The following CARNMT1 variants were observed in gnomAD, a reference collection of about 807,000 sequenced individuals.
The protein encoded by CARNMT1 is protein-L-histidine N-pros-methyltransferase CARNMT1.
A neutral mutation model predicts 49.6 loss-of-function variants in CARNMT1; 28 were observed. That is an observed-to-expected ratio of 0.56 (90% CI 0.42 to 0.77). The LOEUF (loss-of-function observed/expected upper bound fraction) is 0.77, where lower values mean the gene tolerates loss of function less well. CARNMT1 is among the 30% of genes least tolerant of loss of function. CARNMT1 has a pLI of 0.00. For synonymous variants in CARNMT1, 178 were observed against 175.0 expected, an observed-to-expected ratio of 1.02 and a Z score of -0.13; for missense variants, 421 against 512.6, an observed-to-expected ratio of 0.82 and a Z score of 1.73.
chr9:75,018,937 AGCCTGG>A (rs978242193), intron 1 of CARNMT1, among the ~76,000 whole-genome samples: 1 of 150,646 alleles, frequency 6.6e-6, no homozygotes, highest in Non-Finnish European at 1.5e-5. Context: ...ACTGCGTTCC[AGCCTGG>A]GCGACAGAGT....
intron 6 of CARNMT1, among the ~76,000 whole-genome samples, chr9:74,987,500 G>A (rs1376587519): frequency 6.6e-6 from 1 of 152,116 alleles, no homozygotes; most frequent in Non-Finnish European, 1.5e-5. Context: ...AATCTCAAAA[G>A]TGTTATGCTA....
intron 3 of CARNMT1, among the ~76,000 whole-genome samples, chr9:75,010,390 G>A (rs914852616): frequency 1.3e-5 from 2 of 152,104 alleles, no homozygotes; most frequent in African/African-American, 4.8e-5. Context: ...CTCCCAAAGT[G>A]CTGGGTTTAT....
Position 75,028,287 on chromosome 9 carries a change from C to G in CARNMT1, c.-46G>C. ...TGGCTCGCTTGCGTCTCTCCGCGAC[C>G]GACAGCGTGGTGGCGGCTGCTTGGC... On this transcript the variant is annotated 5_prime_UTR_variant, in exon 1 of 8. Coordinates refer to ENST00000376834, the MANE Select transcript of CARNMT1 (RefSeq NM_152420.3). 3 of 1,340,908 alleles carry G rather than the reference C, an allele frequency of 2.2e-6. No individual in the cohort carries two copies. Among genetic ancestry groups the G allele is most frequent in the Non-Finnish European group, 1.9e-6 (2 of 1,051,122 alleles). 83.1% of individuals were successfully genotyped at this position (1,340,908 alleles called of 1,614,324 possible). A position where few individuals can be genotyped will look rare whatever the true frequency, so the allele number is the denominator to read the frequency against.
At chr9:75,016,512 G>A in intron 2 of CARNMT1, 81 bp from the exon 3 acceptor site, 3 of 1,351,008 alleles carry the variant, frequency 2.2e-6, no homozygotes, top group Non-Finnish European at 3.1e-6. Flanking sequence ...CTACTAAGGG[G>A]CTATATAGGT....
intron 3 of CARNMT1, 127 bp downstream of exon 3, chr9:75,016,141 C>T (rs1156245996): frequency 4.4e-6 from 3 of 677,850 alleles, no homozygotes; most frequent in Non-Finnish European, 7.5e-6. Context: ...AATGTTAACA[C>T]TTACACATGT....
At chr9:74,984,171 A>G (rs1832757629) in intron 7 of CARNMT1, among the ~76,000 whole-genome samples, 1 of 152,224 alleles carries the variant, frequency 6.6e-6, no homozygotes, top group Non-Finnish European at 1.5e-5. Flanking sequence ...GAATGCTTCT[A>G]AATAAATGAA....
At chr9:75,006,600 A>G (rs1384253662) in intron 3 of CARNMT1, among the ~76,000 whole-genome samples, 2 of 152,176 alleles carry the variant, frequency 1.3e-5, no homozygotes, top group African/African-American at 4.8e-5. Context: ...ATATATACCT[A>G]TCCACTTTTA....
chr9:75,021,851 T>C (rs984756443), intron 1 of CARNMT1, among the ~76,000 whole-genome samples: 10 of 152,020 alleles, frequency 6.6e-5, no homozygotes, highest in African/African-American at 1.5e-4. Flanking sequence ...GGTAGGAGAA[T>C]TGCTTTAGCC....
At chr9:75,005,884 T>C (rs114698792) in intron 3 of CARNMT1, among the ~76,000 whole-genome samples, 1,693 of 144,454 alleles carry the variant, frequency 0.012, 30 homozygotes, top group African/African-American at 0.04. Flanking sequence ...AATAAAAGGC[T>C]AGCTGACATA....
intron 3 of CARNMT1, among the ~76,000 whole-genome samples, chr9:75,005,881 GGCTA>G (rs1262612807): frequency 6.0e-5 from 8 of 134,346 alleles, no homozygotes; most frequent in African/African-American, 2.1e-4. Flanking sequence ...CACAATAAAA[GGCTA>G]GCTGACATAA....
At chr9:75,025,367 G>C (rs1822493327) in intron 1 of CARNMT1, among the ~76,000 whole-genome samples, 3 of 152,222 alleles carry the variant, frequency 2.0e-5, no homozygotes, top group South Asian at 2.1e-4. Flanking sequence ...GCAACAGGAA[G>C]TGGCTACAAA....
At chr9:75,009,060 C>CTT (rs752851220) in intron 3 of CARNMT1, among the ~76,000 whole-genome samples, 3 of 125,512 alleles carry the variant, frequency 2.4e-5, no homozygotes, top group South Asian at 2.6e-4. Context: ...AAAGGACAGT[C>CTT]TTTTTTTTTT....
intron 6 of CARNMT1, among the ~76,000 whole-genome samples, chr9:74,986,017 A>G (rs1832826334): frequency 6.6e-6 from 1 of 152,236 alleles, no homozygotes; most frequent in Admixed American, 6.5e-5. Flanking sequence ...AGAAATGCAC[A>G]TATGATTTAA....
intron 3 of CARNMT1, among the ~76,000 whole-genome samples, chr9:75,000,814 C>T (rs1212660864): frequency 6.6e-6 from 1 of 152,088 alleles, no homozygotes; most frequent in East Asian, 1.9e-4. Context: ...TTAAGTTTGG[C>T]ATGCTCCAAG....
Position 74,983,608 on chromosome 9 carries a change from A to G in CARNMT1, c.*159T>C. 1 of 495,534 alleles carries G rather than the reference A, an allele frequency of 2.0e-6. No individual in the cohort carries two copies. Among genetic ancestry groups the G allele is most frequent in the South Asian group, 3.8e-5 (1 of 26,422 alleles). 30.7% of individuals were successfully genotyped at this position (495,534 alleles called of 1,614,324 possible). On this transcript the variant is annotated 3_prime_UTR_variant, in exon 8 of 8. Transcript: ENST00000376834. ...GTATATTTCTGAAAAAGCAATAGAC[A>G]TATTAAGAAAATAGACACTATTTCT...
chr9:74,989,503 T>G (rs1408541338), intron 6 of CARNMT1, among the ~76,000 whole-genome samples: 1 of 152,166 alleles, frequency 6.6e-6, no homozygotes, highest in Non-Finnish European at 1.5e-5. Flanking sequence ...TTTAAAGAAT[T>G]TTTTTAATCT....
At chr9:75,024,563 C>T (rs936821328) in intron 1 of CARNMT1, among the ~76,000 whole-genome samples, 1 of 152,164 alleles carries the variant, frequency 6.6e-6, no homozygotes, top group African/African-American at 2.4e-5. Flanking sequence ...AACATTTTTG[C>T]TATTCAATAC....
chr9:75,016,232 C>G (rs371188840), intron 3 of CARNMT1, 36 bp downstream of exon 3: 83 of 1,504,202 alleles, frequency 5.5e-5, no homozygotes, highest in Non-Finnish European at 7.4e-5. Flanking sequence ...TGTTCATACA[C>G]TTTAAAAACT....
At chr9:75,009,909 G>C (rs917339891) in intron 3 of CARNMT1, 1 of 152,048 alleles carries the variant, frequency 6.6e-6, no homozygotes, top group Non-Finnish European at 1.5e-5. Flanking sequence ...CATTAGGTAG[G>C]GATTTTAAAA....
Sources: gnomAD v4.1 joint callset for allele counts (sites outside exome capture counted in the v4.1 genomes callset) on GRCh38, gnomAD v4.1.1 for gene constraint, MANE v1.5 for transcripts, NCBI Gene and HGNC (gene_info 2026-07-23, HGNC 2026-07-21) for gene names.